Variants in CSMD1 observed in about 807,000 individuals in gnomAD.
CSMD1 encodes the protein CUB and Sushi multiple domains 1, also known as CUB and sushi domain-containing protein 1.
A neutral mutation model predicts 417.5 loss-of-function variants in CSMD1; 213 were observed. The observed-to-expected ratio is 0.51, with a 90% CI of 0.46 to 0.57. The LOEUF (loss-of-function observed/expected upper bound fraction) is 0.57. Ranked by LOEUF, CSMD1 falls within the 20% of genes least tolerant of loss-of-function variation. The pLI is 0.00. For missense variants in CSMD1, 6,923 were observed against 4,529.7 expected, an observed-to-expected ratio of 1.53 and a Z score of -15.17; for synonymous variants, 2,862 against 1,736.8, an observed-to-expected ratio of 1.65 and a Z score of -16.11.
chr8:4,575,136 A>C (rs562100983), intron 2 of CSMD1, among the ~76,000 whole-genome samples: 1 of 152,194 alleles, frequency 6.6e-6, no homozygotes, highest in Non-Finnish European at 1.5e-5. Context: ...CATTCAATAA[A>C]TATTTTTGCA....
intron 5 of CSMD1, among the ~76,000 whole-genome samples, chr8:3,929,579 A>T (rs1405415461): frequency 6.6e-6 from 1 of 150,804 alleles, no homozygotes; most frequent in Non-Finnish European, 1.5e-5. Context: ...TTCATGTTAT[A>T]AGATAAAAAA....
intron 3 of CSMD1, among the ~76,000 whole-genome samples, chr8:4,409,430 A>T (rs929392435): frequency 8.5e-5 from 13 of 152,162 alleles, no homozygotes; most frequent in African/African-American, 2.4e-4. Context: ...GTCATTTTAG[A>T]ATAAAAACAA....
chr8:3,531,825 T>C (rs11988412), intron 10 of CSMD1, among the ~76,000 whole-genome samples: 73,683 of 152,052 alleles, frequency 0.48, 18,475 homozygotes, highest in Non-Finnish European at 0.55. Flanking sequence ...ATGCCAGCAG[T>C]TGCACAGAGA....
intron 34 of CSMD1, 71 bp downstream of exon 34, chr8:3,189,841 G>T (rs1428170352): frequency 2.2e-6 from 3 of 1,370,822 alleles, no homozygotes; most frequent in Non-Finnish European, 3.0e-6. Context: ...AGCCTGGATA[G>T]AAACATGAGA....
intron 3 of CSMD1, among the ~76,000 whole-genome samples, chr8:4,188,180 C>G (rs560492659): frequency 1.0e-3 from 153 of 152,162 alleles, no homozygotes; most frequent in African/African-American, 3.3e-3. Context: ...ATTCTTCTAA[C>G]GATGATTTTG....
At chr8:3,031,933 T>C (rs970681082) in intron 50 of CSMD1, among the ~76,000 whole-genome samples, 2 of 150,910 alleles carry the variant, frequency 1.3e-5, no homozygotes, top group Non-Finnish European at 1.5e-5. Context: ...TTTTTTAGTA[T>C]AGTGACTGAC....
At chr8:4,072,746 T>C (rs1799624705) in intron 3 of CSMD1, among the ~76,000 whole-genome samples, 1 of 152,184 alleles carries the variant, frequency 6.6e-6, no homozygotes, top group Non-Finnish European at 1.5e-5. Flanking sequence ...ACTTTTGCCT[T>C]ACTCTCTGCA....
chr8:4,129,392 C>T (rs1239202836), intron 3 of CSMD1, among the ~76,000 whole-genome samples: 1 of 152,156 alleles, frequency 6.6e-6, no homozygotes, highest in Non-Finnish European at 1.5e-5. Flanking sequence ...ACCCCCAACA[C>T]ACCATGTTCT....
chr8:3,242,252 C>T (rs1450957070), intron 26 of CSMD1, among the ~76,000 whole-genome samples: 5 of 151,410 alleles, frequency 3.3e-5, no homozygotes, highest in African/African-American at 4.9e-5. Context: ...AGTGGAGGAA[C>T]GGAGGCTGAG....
intron 3 of CSMD1, among the ~76,000 whole-genome samples, chr8:4,252,310 T>G (rs1004183261): frequency 6.6e-6 from 1 of 152,236 alleles, no homozygotes; most frequent in African/African-American, 2.4e-5. Flanking sequence ...CCAACATTTG[T>G]GCAACACATA....
intron 3 of CSMD1, among the ~76,000 whole-genome samples, chr8:4,402,813 TTTTTTTTC>T (rs1456898491): frequency 2.4e-4 from 14 of 59,002 alleles, no homozygotes; most frequent in Admixed American, 1.7e-3. Flanking sequence ...TTTTTTTTTT[TTTTTTTTC>T]TTTTTTTTTT....
At chr8:3,653,416 G>A (rs547520670) in intron 7 of CSMD1, among the ~76,000 whole-genome samples, 17 of 152,070 alleles carry the variant, frequency 1.1e-4, no homozygotes, top group South Asian at 6.2e-4. Flanking sequence ...TCAAACGATT[G>A]TCCTGCCTCA....
chr8:4,315,947 T>G (rs1339961469), intron 3 of CSMD1, among the ~76,000 whole-genome samples: 1 of 152,142 alleles, frequency 6.6e-6, no homozygotes, highest in Non-Finnish European at 1.5e-5. Flanking sequence ...TTCTCTTAAC[T>G]CCTAAATAAA....
At chr8:3,996,949 C>G (rs1171360728) in intron 5 of CSMD1, among the ~76,000 whole-genome samples, 2 of 152,154 alleles carry the variant, frequency 1.3e-5, no homozygotes, top group Non-Finnish European at 2.9e-5. Flanking sequence ...TGGTAGCCTT[C>G]ATACTAAAAT....
chr8:3,658,468 A>G (rs886748812), intron 7 of CSMD1, among the ~76,000 whole-genome samples: 17 of 147,076 alleles, frequency 1.2e-4, no homozygotes, highest in Non-Finnish European at 2.1e-4. Context: ...TATATTGTGT[A>G]TATATATATA....
intron 68 of CSMD1, among the ~76,000 whole-genome samples, chr8:2,944,525 G>C (rs1802088998): frequency 6.6e-6 from 1 of 152,146 alleles, no homozygotes; most frequent in South Asian, 2.1e-4. Flanking sequence ...CTGGCACAGA[G>C]GGAATGTTCA....
intron 10 of CSMD1, among the ~76,000 whole-genome samples, chr8:3,507,930 G>T (rs1251268033): frequency 6.6e-6 from 1 of 151,960 alleles, no homozygotes; most frequent in African/African-American, 2.4e-5. Context: ...TGAGTAGGTT[G>T]CAAAAAGTTT....
chr8:3,481,718 T>C (rs1326670948), intron 11 of CSMD1, among the ~76,000 whole-genome samples: 2 of 152,168 alleles, frequency 1.3e-5, no homozygotes, highest in Non-Finnish European at 2.9e-5. Flanking sequence ...CTCGTGACTC[T>C]GAATTCAGAG....
intron 21 of CSMD1, 67 bp downstream of exon 21, chr8:3,359,085 T>TA (rs1808986724): frequency 6.6e-7 from 1 of 1,509,030 alleles, no homozygotes; most frequent in African/African-American, 1.4e-5. Flanking sequence ...CCGACCACCC[T>TA]AGGCTTCTTG....
Sources: allele counts gnomAD v4.1 joint callset (sites outside exome capture counted in the v4.1 genomes callset), GRCh38; gene constraint gnomAD v4.1.1; transcripts MANE v1.5; gene names NCBI Gene and HGNC (gene_info 2026-07-23, HGNC 2026-07-21).